ACTA2: variants seen among roughly 807,000 people sequenced by gnomAD.
ACTA2 encodes the protein actin, aortic smooth muscle.
A neutral mutation model predicts 39.5 loss-of-function variants in ACTA2; 12 were observed. The observed-to-expected ratio is 0.30, with a 90% CI of 0.19 to 0.49. The LOEUF (loss-of-function observed/expected upper bound fraction) is 0.49. Among genes scored for constraint, ACTA2 ranks in the 20% least tolerant of loss-of-function variants. The pLI is 0.99. For missense variants in ACTA2, 236 were observed against 498.8 expected (o/e 0.47, Z 5.02); for synonymous variants, 158 against 180.6 (o/e 0.88, Z 1.00).
At chr10:88,937,968 T>C in intron 8 of ACTA2, 93 bp downstream of exon 8, 1 of 1,477,360 alleles carries the variant, frequency 6.8e-7, no homozygotes, top group Non-Finnish European at 9.4e-7. Context: ...CAATTGCATG[T>C]CACCAAAATA....
intron 1 of ACTA2, chr10:88,974,195 C>G (rs1191727978): frequency 1.3e-5 from 2 of 151,536 alleles, no homozygotes; most frequent in Non-Finnish European, 2.9e-5. Flanking sequence ...TGAGAGGACC[C>G]AGAAATATAC....
intron 8 of ACTA2, among the ~76,000 whole-genome samples, chr10:88,936,653 G>C (rs548451963): frequency 6.7e-6 from 1 of 150,288 alleles, no homozygotes; most frequent in South Asian, 2.1e-4. Context: ...AGCTTTCTGA[G>C]ACTGAGGCCT....
In ACTA2 at chr10:88,966,553, G is replaced by A. The variant is rs141251927; in HGVS notation, c.-23-17600C>T. ...ATAAACTCTTCTGTTTATCTGTGGC[G>A]TCTGTGAGGTAATAAGCAGAAGAGG... On this transcript the variant is annotated intron_variant, in intron 1 of 4. Coordinates refer to the ACTA2 transcript ENST00000415557. Among the ~76,000 whole-genome samples the A allele has an allele frequency of 6.8e-3, 1,039 of 152,246 alleles. 18 individuals carry two copies. Among genetic ancestry groups the A allele is most frequent in the African/African-American group, 0.021 (884 of 41,536 alleles).
rs765499730 is a variant in ACTA2 at position 88,941,401 on chromosome 10, A to G, written c.455-11T>C. The stretch of plus-strand genomic sequence containing the variant: ...AGTCCAGCACGATGCCTGGGAGACA[A>G]TTGGGCGTGATAAGTCACCATGGCA... On this transcript the variant is annotated splice_polypyrimidine_tract_variant and intron_variant, in intron 5 of 8. Transcript: ENST00000224784. 4.3e-6 allele frequency: 7 copies of G among 1,613,684 alleles called. No individual in the cohort carries two copies. Among genetic ancestry groups the G allele is most frequent in the Admixed American group, 3.3e-5 (2 of 59,998 alleles).
chr10:88,970,990 G>A (rs958326248), intron 1 of ACTA2, among the ~76,000 whole-genome samples: 1 of 151,876 alleles, frequency 6.6e-6, no homozygotes, highest in African/African-American at 2.4e-5. Context: ...AGATTCCTCC[G>A]CCCAAAGGCA....
chr10:88,979,873 G>A (rs1016308200), intron 1 of ACTA2, among the ~76,000 whole-genome samples: 1 of 152,174 alleles, frequency 6.6e-6, no homozygotes, highest in African/African-American at 2.4e-5. Context: ...TCACACATGT[G>A]TAAAGCACCT....
At chr10:88,950,365 C>T (rs1846027627) in intron 1 of ACTA2, among the ~76,000 whole-genome samples, 1 of 152,156 alleles carries the variant, frequency 6.6e-6, no homozygotes, top group African/African-American at 2.4e-5. Context: ...AAAGGCAGTT[C>T]TTTTAAGGAA....
intron 1 of ACTA2, chr10:88,973,175 C>A: frequency 6.2e-7 from 1 of 1,611,642 alleles, no homozygotes; most frequent in Non-Finnish European, 8.5e-7. Context: ...TTCTGTGTGA[C>A]CTATAGATTC....
chr10:88,965,703 C>T (rs960408063), intron 1 of ACTA2, among the ~76,000 whole-genome samples: 4 of 152,224 alleles, frequency 2.6e-5, no homozygotes, highest in African/African-American at 9.6e-5. Context: ...CTTTCCCCTG[C>T]GTTTCTGCAA....
chr10:88,943,595 G>A (rs967488265), intron 4 of ACTA2: 22 of 645,152 alleles, frequency 3.4e-5, no homozygotes, highest in Non-Finnish European at 5.4e-5. Context: ...ATTGCTTTTG[G>A]AGGCAAAGGG....
intron 4 of ACTA2, 42 bp downstream of exon 4, chr10:88,943,754 TC>T (rs1157116807): frequency 1.3e-6 from 2 of 1,535,016 alleles, no homozygotes; most frequent in South Asian, 1.1e-5. Flanking sequence ...AACAGAAGTT[TC>T]CCCAGACCCC....
chr10:88,965,219 C>T (rs1846299224), intron 1 of ACTA2, among the ~76,000 whole-genome samples: 1 of 152,094 alleles, frequency 6.6e-6, no homozygotes, highest in East Asian at 1.9e-4. Context: ...GTATATTCAC[C>T]ATTAGGTTGT....
chr10:88,964,793 T>G (rs1380788895), intron 1 of ACTA2, among the ~76,000 whole-genome samples: 1 of 152,180 alleles, frequency 6.6e-6, no homozygotes, highest in Non-Finnish European at 1.5e-5. Flanking sequence ...TGTTTGCAGC[T>G]GTACAAATTA....
rs116799403 is a variant in ACTA2 at position 88,945,299 on chromosome 10, A to T, written c.259-1392T>A. ...TGCAAACTGCAATCTTACCAAATCT[A>T]GAATCCTCAAGCAAACCTACTGATA... On this transcript the variant is annotated intron_variant, in intron 3 of 8. Coordinates refer to ENST00000224784, the MANE Select transcript of ACTA2 (RefSeq NM_001613.4). Among the ~76,000 whole-genome samples the T allele has an allele frequency of 8.3e-3, 1,258 of 152,354 alleles. 8 individuals carry two copies. The highest frequency in any genetic ancestry group is 0.022 in the African/African-American group (922 of 41,582).
intron 1 of ACTA2, among the ~76,000 whole-genome samples, chr10:88,970,651 T>C (rs1455996730): frequency 2.6e-5 from 4 of 152,128 alleles, no homozygotes; most frequent in African/African-American, 9.7e-5. Flanking sequence ...CTGAGAATGA[T>C]GGTTGGGAAT....
At chr10:88,938,315 G>A in intron 7 of ACTA2, 73 bp from the exon 8 acceptor site, 1 of 1,511,798 alleles carries the variant, frequency 6.6e-7, no homozygotes, top group African/African-American at 1.4e-5. Flanking sequence ...GACCAGACTT[G>A]AACATCTGGA....
chr10:88,991,223 G>A, exon 1 of ACTA2: 1 of 539,614 alleles, frequency 1.9e-6, no homozygotes, highest in South Asian at 2.0e-5. Context: ...GTGGGCGTGG[G>A]GTGCGGACAG....
At chr10:88,985,953 G>A (rs781693476) in intron 1 of ACTA2, among the ~76,000 whole-genome samples, 1 of 152,148 alleles carries the variant, frequency 6.6e-6, no homozygotes, top group East Asian at 1.9e-4. Flanking sequence ...TTCAATAGTG[G>A]CATATTTATT....
chr10:88,951,706 A>AAAT (rs1398237579), intron 1 of ACTA2, among the ~76,000 whole-genome samples: 1 of 152,196 alleles, frequency 6.6e-6, no homozygotes, highest in Admixed American at 6.5e-5. Flanking sequence ...TTGGAACTGC[A>AAAT]CCCGGGTCAG....
Sources: gnomAD v4.1 joint callset for allele counts (sites outside exome capture counted in the v4.1 genomes callset) on GRCh38, gnomAD v4.1.1 for gene constraint, MANE v1.5 for transcripts, NCBI Gene and HGNC (gene_info 2026-07-23, HGNC 2026-07-21) for gene names.